IQSEC1: variants seen among roughly 807,000 people sequenced by gnomAD.
IQSEC1 encodes IQ motif and SEC7 domain-containing protein 1.
In IQSEC1, 31 loss-of-function variants were observed where a neutral mutation model predicts 91.0. The observed-to-expected ratio is 0.34, with a 90% CI of 0.26 to 0.46. The LOEUF is 0.46. Among genes scored for constraint, IQSEC1 ranks in the 20% least tolerant of loss-of-function variants. The pLI is 1.00. For missense variants in IQSEC1, 1,388 were observed against 1,575.6 expected, an observed-to-expected ratio of 0.88 and a Z score of 2.02; for synonymous variants, 699 against 662.6, an observed-to-expected ratio of 1.05 and a Z score of -0.84.
At chr3:12,969,516 G>A (rs949617247) in intron 1 of IQSEC1, among the ~76,000 whole-genome samples, 4 of 152,240 alleles carry the variant, frequency 2.6e-5, no homozygotes, top group Admixed American at 2.0e-4. Flanking sequence ...CATGGTTAGG[G>A]TAGGGGTAGG....
intron 1 of IQSEC1, among the ~76,000 whole-genome samples, chr3:13,233,944 C>G: frequency 6.6e-6 from 1 of 152,332 alleles, no homozygotes; most frequent in Non-Finnish European, 1.5e-5. Flanking sequence ...AATGTGCAAA[C>G]TGTTCAGACA....
intron 1 of IQSEC1, among the ~76,000 whole-genome samples, chr3:12,955,993 C>G (rs1287395014): frequency 6.6e-6 from 1 of 152,234 alleles, no homozygotes; most frequent in Admixed American, 6.5e-5. Flanking sequence ...GAACGAATCA[C>G]TAACATTTCA....
Position 12,940,019 on chromosome 3 carries a change from G to C in IQSEC1, c.318+1552C>G, listed in dbSNP as rs564957565. On this transcript the variant is annotated intron_variant, in intron 2 of 13. Transcript: ENST00000613206. This position sits in a 1 kb window ranked among gnomAD's most constrained non-coding sequence, Gnocchi z 4.4. ...CATGGAATGAAAATGAATAGCTGCA[G>C]TCCTATTAGGCCCACAGTAAGCATA... is the stretch of plus-strand genomic sequence containing the variant. 8.4e-4 allele frequency among the ~76,000 whole-genome samples: 128 copies of C among 152,370 alleles called. No individual in the cohort carries two copies. The highest frequency in any genetic ancestry group is 3.4e-3 in the Middle Eastern group (1 of 294).
At chr3:13,071,948 C>G (rs1024571106) in intron 1 of IQSEC1, among the ~76,000 whole-genome samples, 1 of 152,240 alleles carries the variant, frequency 6.6e-6, no homozygotes, top group Non-Finnish European at 1.5e-5. Context: ...TTTACTTTCC[C>G]TCAGTGGAGG....
chr3:13,228,175 A>G (rs2293237), intron 1 of IQSEC1, among the ~76,000 whole-genome samples: 33,852 of 152,046 alleles, frequency 0.22, 4,052 homozygotes, highest in East Asian at 0.35. Context: ...CCCAGGTGCC[A>G]TCACCTGGGA....
chr3:13,228,701 C>T (rs1263853629), intron 1 of IQSEC1, among the ~76,000 whole-genome samples: 2 of 152,202 alleles, frequency 1.3e-5, no homozygotes, highest in Non-Finnish European at 2.9e-5. Context: ...CTTCCTCTCA[C>T]CCTTGCCCTC....
At position 12,915,673 on chromosome 3, in the gene IQSEC1, C is replaced by T. The variant is rs199955395; in HGVS notation, c.2081G>A (p.Arg694His). ...EMLMGIYERI[R>H]KRELKTNEDH... is the part of the protein sequence containing the mutation. ...CTCATTGGTCTTTAGCTCTCGCTTACGGATCCGTTCATAGATCCCCATCAG... is the reference window on the plus strand; with the variant it reads ...CTCATTGGTCTTTAGCTCTCGCTTATGGATCCGTTCATAGATCCCCATCAG... Residue 694 changes from arginine to histidine, a missense_variant, in exon 7 of 14, where the codon CGT becomes CAT. Arg to His is a conservative substitution (Grantham distance 29, BLOSUM62 0). This residue lies in a region of IQSEC1 where 1,059 missense variants were observed against 1,317.8 expected (regional missense o/e 0.80). Coordinates refer to ENST00000613206, the MANE Select transcript of IQSEC1 (RefSeq NM_001134382.3). The T allele has an allele frequency of 6.6e-5, 106 of 1,614,050 alleles. No individual in the cohort carries two copies. The highest frequency in any genetic ancestry group is 1.3e-4 in the East Asian group (6 of 44,896).
intron 1 of IQSEC1, among the ~76,000 whole-genome samples, chr3:13,269,150 C>G (rs959913820): frequency 2.6e-5 from 4 of 152,114 alleles, no homozygotes; most frequent in African/African-American, 7.2e-5. Context: ...AGGCAACCAG[C>G]AGGCACTTGG....
intron 1 of IQSEC1, among the ~76,000 whole-genome samples, chr3:13,246,824 C>A (rs1217380216): frequency 6.6e-6 from 1 of 152,170 alleles, no homozygotes; most frequent in Non-Finnish European, 1.5e-5. Context: ...GCAGGAACAG[C>A]GAGCTATGAG....
rs755001923 is a variant in IQSEC1, at chr3:12,901,085, C to A, written c.3243G>T (p.Ser1081=). 2 of 1,538,682 alleles carry A rather than the reference C, an allele frequency of 1.3e-6. No homozygotes were observed. The highest frequency in any genetic ancestry group is 2.5e-5 in the East Asian group (1 of 40,746). ...AHAHGHPPLP[S]AHVGHTVHHH... Reference sequence around the variant, plus strand: ...GGTGCACTGTGTGCCCCACGTGGGCCGAGGGCAGCGGCGGGTGGCCGTGGG... The same window carrying A: ...GGTGCACTGTGTGCCCCACGTGGGCAGAGGGCAGCGGCGGGTGGCCGTGGG... The change falls in exon 14 of 14, where the codon TCG becomes TCT. Residue 1081 remains serine (S), a synonymous_variant. Transcript: ENST00000613206.
chr3:13,046,782 A>G (rs1011922540), intron 1 of IQSEC1, among the ~76,000 whole-genome samples: 2 of 152,042 alleles, frequency 1.3e-5, no homozygotes, highest in Non-Finnish European at 2.9e-5. Context: ...TCTACAACGC[A>G]GCACAGATGT....
At chr3:13,054,185 G>T (rs1276739250) in intron 1 of IQSEC1, among the ~76,000 whole-genome samples, 1 of 152,156 alleles carries the variant, frequency 6.6e-6, no homozygotes, top group Non-Finnish European at 1.5e-5. Flanking sequence ...GCTTCAATAG[G>T]GTTTCTATGC....
chr3:13,165,083 G>A (rs1167045495), intron 1 of IQSEC1, among the ~76,000 whole-genome samples: 1 of 152,150 alleles, frequency 6.6e-6, no homozygotes, highest in Admixed American at 6.5e-5. Flanking sequence ...TTCAGACCCG[G>A]CCTCCCTTGG....
intron 1 of IQSEC1, among the ~76,000 whole-genome samples, chr3:13,044,689 GC>G (rs945550308): frequency 6.7e-6 from 1 of 149,628 alleles, no homozygotes; most frequent in Non-Finnish European, 1.5e-5. Flanking sequence ...CTCCTCCCCC[GC>G]CCCCCCACAC....
At chr3:12,958,433 G>C (rs75495420) in intron 1 of IQSEC1, among the ~76,000 whole-genome samples, 2 of 152,200 alleles carry the variant, frequency 1.3e-5, no homozygotes, top group African/African-American at 4.8e-5. Flanking sequence ...GTCATAAAAT[G>C]GGAGTATTGT....
At chr3:13,024,407 AT>A (rs1189059104) in intron 1 of IQSEC1, among the ~76,000 whole-genome samples, 9 of 148,562 alleles carry the variant, frequency 6.1e-5, no homozygotes, top group Admixed American at 2.0e-4. Flanking sequence ...CCATCCATCC[AT>A]CCATCCATCC....
chr3:12,899,056 T>A lies in IQSEC1; in HGVS notation c.*1927A>T. The A allele has an allele frequency of 3.0e-6, 1 of 333,892 alleles. No homozygotes were observed. The highest frequency in any genetic ancestry group is 5.6e-6 in the Non-Finnish European group (1 of 178,106). 20.7% of individuals were successfully genotyped at this position (333,892 alleles called of 1,614,324 possible). A position where few individuals can be genotyped will look rare whatever the true frequency, so the allele number is the denominator to read the frequency against. The stretch of plus-strand genomic sequence containing the variant: ...GGTGGGCGGGTTAAAGTCACATTTT[T>A]AAAAAGGCTAAACTCTAGATTGCTG... On this transcript the variant is annotated 3_prime_UTR_variant, in exon 14 of 14. Coordinates refer to ENST00000613206, the MANE Select transcript of IQSEC1 (RefSeq NM_001134382.3).
chr3:13,017,473 C>A (rs372472899), intron 1 of IQSEC1, among the ~76,000 whole-genome samples: 5 of 152,128 alleles, frequency 3.3e-5, no homozygotes, highest in Non-Finnish European at 7.3e-5. Flanking sequence ...TCTGAGCTCT[C>A]GGCGACAAGT....
intron 1 of IQSEC1, among the ~76,000 whole-genome samples, chr3:13,251,061 C>T (rs563642663): frequency 3.9e-5 from 6 of 152,298 alleles, no homozygotes; most frequent in South Asian, 2.1e-4. Flanking sequence ...TACCCTCCCC[C>T]GGCTCCCCCT....
Sources: allele counts gnomAD v4.1 joint callset (sites outside exome capture counted in the v4.1 genomes callset), GRCh38; gene constraint gnomAD v4.1.1; regional missense constraint gnomAD v4.1.1; non-coding constraint Gnocchi (gnomAD v3.1); transcripts MANE v1.5; gene names NCBI Gene and HGNC (gene_info 2026-07-23, HGNC 2026-07-21).